RFX7: variants seen among roughly 807,000 people sequenced by gnomAD.
The protein encoded by RFX7 is regulatory factor X7.
In RFX7, 26 loss-of-function variants were observed where a neutral mutation model predicts 111.8. The observed-to-expected ratio is 0.23, with a 90% CI of 0.17 to 0.32. The LOEUF is 0.32. Ranked by LOEUF, RFX7 falls within the 10% of genes least tolerant of loss-of-function variation. The probability of loss-of-function intolerance (pLI) is 1.00; values close to 1 mark genes in which losing one functional copy is unlikely to be tolerated. For synonymous variants in RFX7, 624 were observed against 624.4 expected (o/e 1.00, Z 0.01); for missense variants, 1,573 against 1,772.9 (o/e 0.89, Z 2.02).
At position 56,094,744 on chromosome 15, in the gene RFX7, C is replaced by T; in HGVS notation, c.2984G>A (p.Gly995Glu). Reference protein sequence around the residue: ...AQTTPVDSALGSSRHTPIGTP... With the variant: ...AQTTPVDSALESSRHTPIGTP... ...ACCAATGGGTGTATGTCGGCTACTT[C>T]CTAAAGCACTATCCACAGGTGTAGT... The change falls in exon 10 of 10, where the codon GGA becomes GAA. Residue 995 changes from glycine (G) to glutamate (E), a missense_variant. Gly to Glu is a moderately conservative substitution (Grantham distance 98, BLOSUM62 -2). Transcript: ENST00000559447. 7 of 1,613,686 alleles carry T rather than the reference C, an allele frequency of 4.3e-6. No homozygotes were observed. Among genetic ancestry groups the T allele is most frequent in the Non-Finnish European group, 5.9e-6 (7 of 1,179,780 alleles).
chr15:56,152,532 C>G (rs2042585744), intron 3 of RFX7, among the ~76,000 whole-genome samples: 1 of 152,124 alleles, frequency 6.6e-6, no homozygotes, highest in Non-Finnish European at 1.5e-5. Context: ...ATACCAGAAT[C>G]TCTGGGACAC....
At chr15:56,114,691 G>C (rs1255162696) in intron 5 of RFX7, among the ~76,000 whole-genome samples, 2 of 151,894 alleles carry the variant, frequency 1.3e-5, no homozygotes, top group East Asian at 1.9e-4. Flanking sequence ...CTAAAGAAGA[G>C]TTAAATTATT....
Position 56,243,469 on chromosome 15 carries a change from C to T in RFX7, c.-27G>A, listed in dbSNP as rs1391760164. ...CCCCAGGGCTCGAGTGAGTCGCTTT[C>T]GCCTGCCGCCTGGGGAACATCACCG... On this transcript the variant is annotated 5_prime_UTR_variant, in exon 1 of 10. Transcript: ENST00000559447. The T allele has an allele frequency of 3.0e-6, 3 of 984,704 alleles. No individual in the cohort carries two copies. Among genetic ancestry groups the T allele is most frequent in the Non-Finnish European group, 3.6e-6 (3 of 829,726 alleles). The allele number at this position is 984,704 out of a possible 1,614,324, so 61.0% of individuals were successfully genotyped here.
chr15:56,114,563 G>A lies in RFX7; in HGVS notation c.402-10893C>T, dbSNP rs116326604. Among the ~76,000 whole-genome samples, 1,515 of 152,186 alleles carry A rather than the reference G, an allele frequency of 1.0e-2. 29 individuals are homozygous for A. The highest frequency in any genetic ancestry group is 0.035 in the African/African-American group (1,452 of 41,524). ...ACAATGATAGTAGTACTAGTAAGCT[G>A]ATCTTAGACTAGGATCATACTAATA... On this transcript the variant is annotated intron_variant, in intron 5 of 9. Transcript: ENST00000559447.
At chr15:56,137,387 T>C (rs2042319304) in intron 5 of RFX7, among the ~76,000 whole-genome samples, 1 of 152,242 alleles carries the variant, frequency 6.6e-6, no homozygotes, top group Non-Finnish European at 1.5e-5. Flanking sequence ...TTCTAGATTT[T>C]CTAGTTTATT....
intron 2 of RFX7, among the ~76,000 whole-genome samples, chr15:56,223,915 C>T (rs1304534993): frequency 6.6e-6 from 1 of 151,948 alleles, no homozygotes; most frequent in Non-Finnish European, 1.5e-5. Flanking sequence ...TTTTTTTTCC[C>T]ATTTAGCATT....
intron 2 of RFX7, among the ~76,000 whole-genome samples, chr15:56,191,213 T>C (rs2043097738): frequency 1.3e-5 from 2 of 152,370 alleles, no homozygotes; most frequent in Admixed American, 6.5e-5. Flanking sequence ...TTTGTTAGCA[T>C]GTTTTGTAAT....
At chr15:56,177,974 A>C (rs989849944) in intron 3 of RFX7, among the ~76,000 whole-genome samples, 5 of 152,224 alleles carry the variant, frequency 3.3e-5, no homozygotes, top group Admixed American at 6.5e-5. Context: ...TCTTAAGGGC[A>C]TGGAATATGT....
intron 3 of RFX7, among the ~76,000 whole-genome samples, chr15:56,160,970 A>G (rs2141083722): frequency 6.6e-6 from 1 of 152,130 alleles, no homozygotes; most frequent in South Asian, 2.1e-4. Flanking sequence ...CTAGGGGGAG[A>G]GCAATTTTTA....
At chr15:56,207,026 G>A (rs370902717) in intron 2 of RFX7, among the ~76,000 whole-genome samples, 1 of 152,010 alleles carries the variant, frequency 6.6e-6, no homozygotes, top group Non-Finnish European at 1.5e-5. Context: ...GTAACACAAA[G>A]GATAAATGCA....
intron 3 of RFX7, among the ~76,000 whole-genome samples, chr15:56,169,800 C>T (rs563990837): frequency 1.5e-4 from 23 of 148,702 alleles, no homozygotes; most frequent in Admixed American, 1.0e-3. Flanking sequence ...TAGTTCCCCA[C>T]GAGCACTCTG....
In RFX7 at chr15:56,243,459, G is replaced by A. The variant is rs1318937032; in HGVS notation, c.-17C>T. 1.0e-6 allele frequency: 1 copy of A among 984,812 alleles called. No homozygotes were observed. Among genetic ancestry groups the A allele is most frequent in the Admixed American group, 6.1e-5 (1 of 16,280 alleles). 61.0% of individuals were successfully genotyped at this position (984,812 alleles called of 1,614,324 possible). Reference sequence around the variant, plus strand: ...TAGGCCTTTACCCCAGGGCTCGAGTGAGTCGCTTTCGCCTGCCGCCTGGGG... The same window carrying A: ...TAGGCCTTTACCCCAGGGCTCGAGTAAGTCGCTTTCGCCTGCCGCCTGGGG... On this transcript the variant is annotated 5_prime_UTR_variant, in exon 1 of 10. Transcript: ENST00000559447.
At chr15:56,239,984 CTTTTTTTTTTT>C (rs5812831) in intron 2 of RFX7, among the ~76,000 whole-genome samples, 21 of 120,916 alleles carry the variant, frequency 1.7e-4, no homozygotes, top group Admixed American at 3.4e-4. Flanking sequence ...TTTGGTATTT[CTTTTTTTTTTT>C]TTTTTTTTTT....
rs368929436 is a variant in RFX7 at position 56,093,857 on chromosome 15, T to C, written c.3871A>G (p.Thr1291Ala). Residue 1291 changes from threonine (T) to alanine (A), a missense_variant, in exon 10 of 10, where the codon ACT (threonine) becomes GCT (alanine). This residue lies in a region of RFX7 where 411 missense variants were observed against 478.1 expected (regional missense o/e 0.86). Transcript: ENST00000559447. ...MNLTQILEPS[T>A]VFPSANPQNM... ...TGTGGGTTGGCACTAGGAAAAACAG[T>C]GGAAGGTTCCAAAATCTGAGTGAGA... The C allele has an allele frequency of 3.4e-5, 55 of 1,613,812 alleles. No homozygotes were observed. Among genetic ancestry groups the C allele is most frequent in the Non-Finnish European group, 4.4e-5 (52 of 1,179,858 alleles).
At chr15:56,204,119 CA>C (rs1305963107) in intron 2 of RFX7, among the ~76,000 whole-genome samples, 3 of 147,618 alleles carry the variant, frequency 2.0e-5, no homozygotes, top group Non-Finnish European at 3.0e-5. Flanking sequence ...CTCCCGGGTT[CA>C]GGTGATTCTC....
At chr15:56,131,271 CTTTTTTTTTTT>C (rs140251962) in intron 5 of RFX7, among the ~76,000 whole-genome samples, 12 of 74,050 alleles carry the variant, frequency 1.6e-4, no homozygotes, top group Admixed American at 4.7e-4. Context: ...TATTAGGTAT[CTTTTTTTTTTT>C]TTTTTTTTTT....
chr15:56,129,754 T>C (rs1350256047), intron 5 of RFX7, among the ~76,000 whole-genome samples: 2 of 152,202 alleles, frequency 1.3e-5, no homozygotes. Flanking sequence ...GGTCTTGCAA[T>C]GTCTACTTGG....
chr15:56,186,620 T>C (rs1189859403), intron 2 of RFX7, among the ~76,000 whole-genome samples: 1 of 152,128 alleles, frequency 6.6e-6, no homozygotes, highest in African/African-American at 2.4e-5. Context: ...TGTATACCTA[T>C]GAACTGTATA....
At chr15:56,233,211 C>T (rs2043587339) in intron 2 of RFX7, among the ~76,000 whole-genome samples, 1 of 152,122 alleles carries the variant, frequency 6.6e-6, no homozygotes. Flanking sequence ...ATAATCGTGG[C>T]AGGGAGGCCG....
Sources: allele counts gnomAD v4.1 joint callset (sites outside exome capture counted in the v4.1 genomes callset), GRCh38; gene constraint gnomAD v4.1.1; regional missense constraint gnomAD v4.1.1; transcripts MANE v1.5; gene names NCBI Gene and HGNC (gene_info 2026-07-23, HGNC 2026-07-21).